The following ABCG2 variants were observed in gnomAD, a reference collection of about 807,000 sequenced individuals.
ABCG2 encodes the protein ATP binding cassette subfamily G member 2 (JR blood group), also known as broad substrate specificity ATP-binding cassette transporter ABCG2.
A neutral mutation model predicts 73.5 loss-of-function variants in ABCG2; 80 were observed. The ratio of observed to expected loss-of-function variants is 1.09; its 90% CI spans 0.91 to 1.31. The LOEUF is 1.31. Among genes scored for constraint, ABCG2 ranks in the 50% most tolerant of loss-of-function variants. The pLI is 0.00. For missense variants in ABCG2, 796 were observed against 786.2 expected, an observed-to-expected ratio of 1.01 and a Z score of -0.15; for synonymous variants, 269 against 282.4, an observed-to-expected ratio of 0.95 and a Z score of 0.48.
At chr4:88,172,072 A>G (rs1727778804) in intron 1 of ABCG2, among the ~76,000 whole-genome samples, 1 of 151,978 alleles carries the variant, frequency 6.6e-6, no homozygotes, top group African/African-American at 2.4e-5. Flanking sequence ...AGGCACATGG[A>G]TCACCTGAGG....
At chr4:88,221,055 G>A (rs569596083) in intron 1 of ABCG2, among the ~76,000 whole-genome samples, 15 of 152,154 alleles carry the variant, frequency 9.9e-5, no homozygotes, top group Non-Finnish European at 1.9e-4. Context: ...GATCACTTGA[G>A]GTCAGGAGTT....
At chr4:88,211,459 C>T (rs1195884708) in intron 1 of ABCG2, among the ~76,000 whole-genome samples, 3 of 148,038 alleles carry the variant, frequency 2.0e-5, no homozygotes, top group African/African-American at 5.0e-5. Context: ...CTCTGTTGTC[C>T]AGGCTGGAGT....
At chr4:88,129,434 G>A (rs1461950298) in intron 5 of ABCG2, among the ~76,000 whole-genome samples, 1 of 152,154 alleles carries the variant, frequency 6.6e-6, no homozygotes. Flanking sequence ...GTCAATAGCT[G>A]TGCCTTCACA....
intron 1 of ABCG2, among the ~76,000 whole-genome samples, chr4:88,144,213 CT>C (rs1725821168): frequency 6.6e-6 from 1 of 152,168 alleles, no homozygotes; most frequent in African/African-American, 2.4e-5. Flanking sequence ...CCTGCAAAGC[CT>C]TAAGTGAAAG....
chr4:88,219,639 T>C (rs1396749568), intron 1 of ABCG2, among the ~76,000 whole-genome samples: 2 of 131,712 alleles, frequency 1.5e-5, no homozygotes, highest in East Asian at 2.5e-4. Flanking sequence ...TGGAGTGCAA[T>C]GGCGCGATCT....
At position 88,204,784 on chromosome 4, in the gene ABCG2, T is replaced by C. The variant is rs561865272; in HGVS notation, c.-20+26210A>G. Among the ~76,000 whole-genome samples, 18 of 152,314 alleles carry C rather than the reference T, an allele frequency of 1.2e-4. 1 individual carries two copies. In the East Asian group the frequency reaches 3.5e-3, roughly 29 times the overall value. On this transcript the variant is annotated intron_variant, in intron 1 of 15. Coordinates refer to the ABCG2 transcript ENST00000515655. ...CTGGTTGCTTTTGGCAGAAGGGAATTTGTCATTCTCTCCATCAGAGAAGGA... is the reference window on the plus strand; with the variant it reads ...CTGGTTGCTTTTGGCAGAAGGGAATCTGTCATTCTCTCCATCAGAGAAGGA...
At chr4:88,220,262 A>T (rs1417196882) in intron 1 of ABCG2, among the ~76,000 whole-genome samples, 1 of 152,154 alleles carries the variant, frequency 6.6e-6, no homozygotes, top group East Asian at 1.9e-4. Context: ...GGCTGTTGTA[A>T]ATAATGCTGC....
intron 1 of ABCG2, among the ~76,000 whole-genome samples, chr4:88,142,171 A>G (rs563392327): frequency 6.6e-6 from 1 of 152,222 alleles, no homozygotes; most frequent in Admixed American, 6.6e-5. Flanking sequence ...AAGGTCTGTC[A>G]TACGCATAAC....
Position 88,091,331 on chromosome 4 carries a change from A to G in ABCG2, c.*903T>C, listed in dbSNP as rs1721632521. 1 of 152,256 alleles carries G rather than the reference A, an allele frequency of 6.6e-6. No homozygotes were observed. The highest frequency in any genetic ancestry group is 1.5e-5 in the Non-Finnish European group (1 of 68,044). 9.4% of individuals were successfully genotyped at this position (152,256 alleles called of 1,614,324 possible). A position where few individuals can be genotyped will look rare whatever the true frequency, so the allele number is the denominator to read the frequency against. ...AACATAAGGTATATAAGTAGGAAAG[A>G]AAACCTATGTAGGGACAGATGTTAA... is the stretch of plus-strand genomic sequence containing the variant. On this transcript the variant is annotated 3_prime_UTR_variant, in exon 16 of 16. Coordinates refer to ENST00000237612, the MANE Select transcript of ABCG2 (RefSeq NM_004827.3).
intron 9 of ABCG2, 29 bp from the exon 10 acceptor site, chr4:88,107,295 G>T: frequency 1.3e-6 from 2 of 1,504,292 alleles, no homozygotes; most frequent in Admixed American, 3.8e-5. Context: ...GCAAAAAAAG[G>T]GGAAGAGTTT....
intron 1 of ABCG2, among the ~76,000 whole-genome samples, chr4:88,179,362 G>A (rs942199537): frequency 1.3e-5 from 2 of 152,270 alleles, no homozygotes; most frequent in Admixed American, 6.5e-5. Context: ...GCCTCCTAAT[G>A]AAGATGTGAC....
upstream of ABCG2, chr4:88,159,168 A>G (rs1482780066): frequency 2.2e-6 from 1 of 456,136 alleles, no homozygotes; most frequent in Admixed American, 2.3e-5. Context: ...GTGATTAACT[A>G]CGAGAATCAC....
At chr4:88,168,599 G>A (rs527559668) in intron 1 of ABCG2, among the ~76,000 whole-genome samples, 1 of 151,578 alleles carries the variant, frequency 6.6e-6, no homozygotes, top group East Asian at 1.9e-4. Flanking sequence ...AACCTGCAGA[G>A]TCAGATAGTA....
At chr4:88,103,555 G>A (rs1297539383) in intron 10 of ABCG2, among the ~76,000 whole-genome samples, 1 of 152,182 alleles carries the variant, frequency 6.6e-6, no homozygotes, top group Non-Finnish European at 1.5e-5. Flanking sequence ...CACATCCATC[G>A]TCTCAAACAT....
At chr4:88,188,227 A>G (rs949372994) in intron 1 of ABCG2, among the ~76,000 whole-genome samples, 1 of 152,184 alleles carries the variant, frequency 6.6e-6, no homozygotes, top group Non-Finnish European at 1.5e-5. Context: ...CATATGTTGA[A>G]ACATCTATCC....
At chr4:88,115,085 C>G (rs1723442665) in intron 7 of ABCG2, 27 bp from the exon 8 acceptor site, 1 of 1,501,600 alleles carries the variant, frequency 6.7e-7, no homozygotes, top group Admixed American at 1.7e-5. Flanking sequence ...CTCAAAAACA[C>G]AAACTTGATG....
At chr4:88,125,987 A>G (rs1192444039) in intron 5 of ABCG2, among the ~76,000 whole-genome samples, 1 of 152,200 alleles carries the variant, frequency 6.6e-6, no homozygotes, top group East Asian at 1.9e-4. Flanking sequence ...CAAATCAACG[A>G]ATCCAGGGCT....
intron 11 of ABCG2, 38 bp downstream of exon 11, chr4:88,101,192 G>T: frequency 1.3e-6 from 2 of 1,583,456 alleles, no homozygotes; most frequent in Non-Finnish European, 1.7e-6. Flanking sequence ...AGCCCCTGCT[G>T]CTGGACAGCC....
chr4:88,168,052 CAGAG>C (rs1386727182), intron 1 of ABCG2, among the ~76,000 whole-genome samples: 4 of 132,658 alleles, frequency 3.0e-5, no homozygotes, highest in Non-Finnish European at 3.0e-5. Flanking sequence ...GGGTTTTACA[CAGAG>C]AGAGACAGCA....
Sources: allele counts gnomAD v4.1 joint callset (sites outside exome capture counted in the v4.1 genomes callset), GRCh38; gene constraint gnomAD v4.1.1; transcripts MANE v1.5; gene names NCBI Gene and HGNC (gene_info 2026-07-23, HGNC 2026-07-21).